HTR3A: variants seen among roughly 807,000 people sequenced by gnomAD.
HTR3A encodes the protein 5-hydroxytryptamine (serotonin) receptor 3A, ionotropic.
In HTR3A, 45 loss-of-function variants were observed where a neutral mutation model predicts 54.8. That is an observed-to-expected ratio of 0.82 (90% CI 0.65 to 1.05). The LOEUF (loss-of-function observed/expected upper bound fraction) is 1.05, where lower values mean the gene tolerates loss of function less well. HTR3A is among the 50% of genes least tolerant of loss of function. The pLI is 0.00. For missense variants in HTR3A, 657 were observed against 614.0 expected, an observed-to-expected ratio of 1.07 and a Z score of -0.74; for synonymous variants, 297 against 256.0, an observed-to-expected ratio of 1.16 and a Z score of -1.53.
chr11:113,976,743 C>T (rs1301130801), intron 1 of HTR3A, among the ~76,000 whole-genome samples: 1 of 146,394 alleles, frequency 6.8e-6, no homozygotes, highest in East Asian at 2.0e-4. Context: ...AAGACACAGT[C>T]TTGTTTAGCA....
At chr11:113,981,723 C>T (rs938543753) in intron 4 of HTR3A, among the ~76,000 whole-genome samples, 3 of 152,104 alleles carry the variant, frequency 2.0e-5, no homozygotes, top group Admixed American at 6.5e-5. Context: ...CTTTGGAGGC[C>T]GAGGCGGGTA....
intron 4 of HTR3A, 142 bp downstream of exon 4, chr11:113,981,454 A>T: frequency 1.4e-6 from 1 of 700,028 alleles, no homozygotes; most frequent in Non-Finnish European, 2.6e-6. Flanking sequence ...GTGTGAGTCC[A>T]AATTCCCTTT....
rs771335176 is a variant in HTR3A, at chr11:113,983,223, G to T, written c.478G>T (p.Asp160Tyr). 5 of 1,614,086 alleles carry T rather than the reference G, an allele frequency of 3.1e-6. No homozygotes were observed. Among genetic ancestry groups the T allele is most frequent in the Non-Finnish European group, 4.2e-6 (5 of 1,180,052 alleles). The change falls in exon 5 of 9, where the codon GAC becomes TAC. Residue 160 changes from aspartate (D) to tyrosine (Y), a missense_variant. Physicochemically the swap from Asp to Tyr is radical, Grantham distance 160. Coordinates refer to ENST00000504030, the MANE Select transcript of HTR3A (RefSeq NM_000869.6). ...TCAGGTGGTGACTGCCTGTAGCCTC[G>T]ACATCTACAACTTCCCCTTCGATGT... ...PLQVVTACSLDIYNFPFDVQN... is the reference protein window; with the variant it reads ...PLQVVTACSLYIYNFPFDVQN...
At chr11:113,976,487 A>C (rs1055743666) in intron 1 of HTR3A, among the ~76,000 whole-genome samples, 1 of 151,798 alleles carries the variant, frequency 6.6e-6, no homozygotes, top group Admixed American at 6.6e-5. Context: ...TTGTGTGCAA[A>C]TAGCCACTCT....
intron 3 of HTR3A, among the ~76,000 whole-genome samples, chr11:113,980,318 C>T (rs1950406645): frequency 6.6e-6 from 1 of 152,190 alleles, no homozygotes; most frequent in East Asian, 1.9e-4. Flanking sequence ...AGATCGAGGC[C>T]CTGCCCACCA....
At position 113,986,636 on chromosome 11, in the gene HTR3A, C is replaced by T; in HGVS notation, c.824C>T (p.Ser275Phe). The change falls in exon 7 of 9, where the codon TCT becomes TTT. Residue 275 changes from serine to phenylalanine, a missense_variant. Ser to Phe is a radical substitution (Grantham distance 155). Coordinates refer to ENST00000504030, the MANE Select transcript of HTR3A (RefSeq NM_000869.6). ...YLPPNSGERV[S>F]FKITLLLGYS... is the part of the protein sequence containing the mutation. ...CCCCCCAACAGTGGCGAGAGGGTCT[C>T]TTTCAAGATTACACTCCTCCTGGGC... is the stretch of plus-strand genomic sequence containing the variant. 6.2e-7 allele frequency: 1 copy of T among 1,614,080 alleles called. No individual in the cohort carries two copies. The highest frequency in any genetic ancestry group is 8.5e-7 in the Non-Finnish European group (1 of 1,180,032).
At chr11:113,977,520 T>A in intron 1 of HTR3A, 1 of 1,551,102 alleles carries the variant, frequency 6.4e-7, no homozygotes, top group Non-Finnish European at 8.7e-7. Flanking sequence ...TGCCACTTGC[T>A]CTTCCAAGCC....
At chr11:113,983,086 T>C in intron 4 of HTR3A, 34 bp from the exon 5 acceptor site, 1 of 1,613,374 alleles carries the variant, frequency 6.2e-7, no homozygotes, top group Non-Finnish European at 8.5e-7. Flanking sequence ...CCCTGTCTCT[T>C]GAGCTCCCAA....
intron 6 of HTR3A, 22 bp from the exon 7 acceptor site, chr11:113,986,495 CA>C: frequency 6.2e-7 from 1 of 1,610,712 alleles, no homozygotes; most frequent in South Asian, 1.1e-5. Flanking sequence ...CCAGGCTTCC[CA>C]CAAGCTCTTC....
chr11:113,976,596 T>C (rs76149217), intron 1 of HTR3A, among the ~76,000 whole-genome samples: 19,193 of 147,736 alleles, frequency 0.13, 1,450 homozygotes, highest in Non-Finnish European at 0.14. Context: ...TGTGTGTGTG[T>C]GTGTGTGTGT....
Position 113,986,919 on chromosome 11 carries a change from G to A in HTR3A, c.1011G>A (p.Gln337=), listed in dbSNP as rs1355281216. Residue 337 remains glutamine, a synonymous_variant, in exon 8 of 9, where the codon CAG becomes CAA. Transcript: ENST00000504030. Reference sequence around the variant, plus strand: ...TGGTGCACAAGCAAGACCTGCAGCAGCCCGTGCCTGCTTGGCTGCGTCACC... The same window carrying A: ...TGGTGCACAAGCAAGACCTGCAGCAACCCGTGCCTGCTTGGCTGCGTCACC... ...VRLVHKQDLQ[Q]PVPAWLRHLV... is the part of the protein sequence containing the mutation. 5 of 1,614,186 alleles carry A rather than the reference G, an allele frequency of 3.1e-6. No individual in the cohort carries two copies. The Admixed American group carries it at 8.3e-5, about 27-fold the overall frequency.
chr11:113,985,802 C>T (rs1419315915), intron 5 of HTR3A, among the ~76,000 whole-genome samples: 1 of 152,058 alleles, frequency 6.6e-6, no homozygotes, highest in Non-Finnish European at 1.5e-5. Flanking sequence ...TTTAGGACTT[C>T]ATCTGCCCTC....
At chr11:113,987,574 T>TTG (rs1192358318) in intron 8 of HTR3A, among the ~76,000 whole-genome samples, 2 of 148,936 alleles carry the variant, frequency 1.3e-5, no homozygotes, top group East Asian at 4.0e-4. Flanking sequence ...CTCTACTAAT[T>TTG]TTTTTTTTCA....
intron 3 of HTR3A, chr11:113,980,951 C>A: frequency 2.0e-6 from 1 of 511,354 alleles, no homozygotes; most frequent in Non-Finnish European, 3.6e-6. Flanking sequence ...TCACAGCATT[C>A]GAAATGACTG....
chr11:113,977,549 C>T (rs1162298291), intron 1 of HTR3A: 18 of 1,549,928 alleles, frequency 1.2e-5, no homozygotes, highest in African/African-American at 2.7e-5. Flanking sequence ...GCTTTCCTGT[C>T]AATGAATGCA....
intron 1 of HTR3A, 83 bp from the exon 2 acceptor site, chr11:113,977,688 T>A: frequency 6.4e-7 from 1 of 1,555,946 alleles, no homozygotes; most frequent in Non-Finnish European, 8.7e-7. Context: ...ATACGTCTCT[T>A]TTAACAGCTT....
In HTR3A at chr11:113,977,796, G is replaced by C. The variant is rs1950369974; in HGVS notation, c.93G>C (p.Arg31Ser). 1.2e-6 allele frequency: 2 copies of C among 1,614,126 alleles called. No individual in the cohort carries two copies. The highest frequency in any genetic ancestry group is 1.3e-5 in the African/African-American group (1 of 75,024). Residue 31 changes from arginine to serine, a missense_variant, in exon 2 of 9, where the codon AGG becomes AGC. By Grantham distance (110) the Arg-to-Ser change is moderately radical (BLOSUM62 -1). Transcript: ENST00000504030. The stretch of plus-strand genomic sequence containing the variant: ...CCAGGAGGAGCCGAAACACCACCAG[G>C]CCCGCTCTGCTGAGGCTGTCGGATT... ...GEARRSRNTT[R>S]PALLRLSDYL...
intron 3 of HTR3A, among the ~76,000 whole-genome samples, chr11:113,979,763 C>T (rs1950398802): frequency 1.3e-5 from 2 of 152,250 alleles, no homozygotes; most frequent in South Asian, 2.1e-4. Flanking sequence ...ACATCTGAGG[C>T]TTGGCAGGAA....
rs1244755442 is a variant in HTR3A, at chr11:113,989,170, G to T, written c.1139-295G>T. On this transcript the variant is annotated intron_variant, in intron 8 of 8. Coordinates refer to ENST00000504030, the MANE Select transcript of HTR3A (RefSeq NM_000869.6). The surrounding 1 kb of genome is among the most constrained non-coding windows in gnomAD (Gnocchi z 4.4). ...AGGTCAAGAGTTCAAGACCAGCCTG[G>T]CCAACGTGGTGAAATCCAGTTTCTA... 6.7e-6 allele frequency among the ~76,000 whole-genome samples: 1 copy of T among 149,696 alleles called. No individual in the cohort carries two copies. The highest frequency in any genetic ancestry group is 2.0e-4 in the East Asian group (1 of 5,036).
Sources: allele counts gnomAD v4.1 joint callset (sites outside exome capture counted in the v4.1 genomes callset), GRCh38; gene constraint gnomAD v4.1.1; non-coding constraint Gnocchi (gnomAD v3.1); transcripts MANE v1.5; gene names NCBI Gene and HGNC (gene_info 2026-07-23, HGNC 2026-07-21).